COL5A2: variants seen among roughly 807,000 people sequenced by gnomAD.
The protein encoded by COL5A2 is collagen type V alpha 2 chain, also known as collagen alpha-2(V) chain.
Under a neutral mutation model 208.2 loss-of-function variants are expected in COL5A2, and 23 were observed. The ratio of observed to expected loss-of-function variants is 0.11; its 90% CI spans 0.08 to 0.16. The LOEUF (loss-of-function observed/expected upper bound fraction) is 0.16, where lower values mean the gene tolerates loss of function less well. COL5A2 is among the 10% of genes least tolerant of loss of function. The pLI is 1.00. For synonymous variants in COL5A2, 625 were observed against 628.5 expected, an observed-to-expected ratio of 0.99 and a Z score of 0.08; for missense variants, 1,590 against 1,956.4, an observed-to-expected ratio of 0.81 and a Z score of 3.53.
At chr2:189,419,212 C>A in the COL5A2 span, among the ~76,000 whole-genome samples, 1 of 152,058 alleles carries the variant, frequency 6.6e-6, no homozygotes, top group African/African-American at 2.4e-5. Flanking sequence ...CTCTCTAGTC[C>A]CTCATTTCTG....
the COL5A2 span, among the ~76,000 whole-genome samples, chr2:189,251,212 A>G: frequency 1.3e-5 from 2 of 152,202 alleles, no homozygotes; most frequent in African/African-American, 2.4e-5. Flanking sequence ...AATATCCTCT[A>G]ATAATCAATA....
chr2:189,137,524 T>C (rs569514833), intron 1 of COL5A2, among the ~76,000 whole-genome samples: 3 of 152,236 alleles, frequency 2.0e-5, no homozygotes, highest in Admixed American at 6.5e-5. Context: ...TCACACATTG[T>C]GTATTAAACA....
intron 1 of COL5A2, among the ~76,000 whole-genome samples, chr2:189,139,493 G>GA (rs1392231867): frequency 2.6e-5 from 4 of 152,058 alleles, no homozygotes; most frequent in African/African-American, 9.7e-5. Flanking sequence ...GGAATGTCTG[G>GA]AAACTGTCAT....
chr2:189,125,605 A>G (rs1436571478), intron 1 of COL5A2, among the ~76,000 whole-genome samples: 2 of 152,120 alleles, frequency 1.3e-5, no homozygotes, highest in South Asian at 2.1e-4. Flanking sequence ...TCATAAATAT[A>G]TTTTCCCTTC....
At chr2:189,206,679 C>T (rs1327542771) in intron 1 of COL5A2, among the ~76,000 whole-genome samples, 2 of 152,110 alleles carry the variant, frequency 1.3e-5, no homozygotes, top group Admixed American at 1.3e-4. Context: ...ATCTGCCCAA[C>T]CTATTCACAC....
the COL5A2 span, among the ~76,000 whole-genome samples, chr2:189,321,897 C>T: frequency 5.2e-4 from 79 of 152,328 alleles, 1 homozygote; most frequent in South Asian, 8.3e-4. Flanking sequence ...CCACATCGCA[C>T]CTATTCCAAA....
the COL5A2 span, among the ~76,000 whole-genome samples, chr2:189,294,090 G>GAAAAA: frequency 1.2e-4 from 6 of 48,214 alleles, no homozygotes; most frequent in Non-Finnish European, 2.3e-4. Flanking sequence ...TCCGTCTCAA[G>GAAAAA]AAAAAAAAAA....
chr2:189,412,717 C>G, the COL5A2 span, among the ~76,000 whole-genome samples: 1 of 152,194 alleles, frequency 6.6e-6, no homozygotes, highest in East Asian at 1.9e-4. Flanking sequence ...AATTGCCAAT[C>G]AATTGATAGT....
chr2:189,036,531 A>C, intron 52 of COL5A2, 85 bp downstream of exon 52: 3 of 1,155,274 alleles, frequency 2.6e-6, no homozygotes, highest in Non-Finnish European at 3.7e-6. Flanking sequence ...GGTTTAAAAA[A>C]ATAGCAAAGT....
chr2:189,259,873 T>C, the COL5A2 span, among the ~76,000 whole-genome samples: 1 of 152,126 alleles, frequency 6.6e-6, no homozygotes, highest in South Asian at 2.1e-4. Flanking sequence ...CTGATAGTTG[T>C]CTTCTGGGAA....
chr2:189,095,538 C>A (rs1686890384), intron 6 of COL5A2, among the ~76,000 whole-genome samples: 2 of 151,872 alleles, frequency 1.3e-5, no homozygotes, highest in Admixed American at 1.3e-4. Flanking sequence ...AACACGCACA[C>A]ACTTATACCC....
At chr2:189,390,515 G>A in the COL5A2 span, among the ~76,000 whole-genome samples, 2 of 152,156 alleles carry the variant, frequency 1.3e-5, no homozygotes, top group Admixed American at 6.5e-5. Flanking sequence ...ATGAAATATG[G>A]TTGCTGCTGC....
rs547331185 is a variant in COL5A2 at position 189,170,400 on chromosome 2, A to C, written c.97+9108T>G. ...CCCAGGAAACTTATTCTTGGTTAGC[A>C]CAAACACACTTGCAACATAAGGACC... is the stretch of plus-strand genomic sequence containing the variant. On this transcript the variant is annotated intron_variant, in intron 1 of 53. Transcript: ENST00000374866. 3.9e-5 allele frequency among the ~76,000 whole-genome samples: 6 copies of C among 152,314 alleles called. No individual in the cohort carries two copies. The South Asian group carries it at 1.2e-3, about 32-fold the overall frequency.
At chr2:189,373,280 C>G in the COL5A2 span, among the ~76,000 whole-genome samples, 1 of 152,102 alleles carries the variant, frequency 6.6e-6, no homozygotes, top group Non-Finnish European at 1.5e-5. Flanking sequence ...AGTTACTGCT[C>G]TATAACTATA....
the COL5A2 span, among the ~76,000 whole-genome samples, chr2:189,366,898 G>T: frequency 1.3e-5 from 2 of 152,128 alleles, no homozygotes; most frequent in Non-Finnish European, 2.9e-5. Context: ...GGCGAGAAAT[G>T]CTTGTCCACT....
intron 1 of COL5A2, among the ~76,000 whole-genome samples, chr2:189,195,261 T>C (rs901868165): frequency 1.3e-5 from 2 of 151,906 alleles, no homozygotes; most frequent in African/African-American, 4.8e-5. Flanking sequence ...TAACAAATAA[T>C]CAGAAGGGCT....
chr2:189,089,769 G>A (rs1017749910), intron 7 of COL5A2, among the ~76,000 whole-genome samples: 1 of 152,058 alleles, frequency 6.6e-6, no homozygotes, highest in African/African-American at 2.4e-5. Flanking sequence ...TCTGTGTTCA[G>A]TGATCTTGAT....
At chr2:189,138,864 A>G (rs1357888950) in intron 1 of COL5A2, among the ~76,000 whole-genome samples, 1 of 152,200 alleles carries the variant, frequency 6.6e-6, no homozygotes, top group African/African-American at 2.4e-5. Flanking sequence ...TGTAAAATAA[A>G]TATCTATGAG....
In COL5A2 at chr2:189,179,654, G is replaced by A. The variant is rs183260194; in HGVS notation, c.-50C>T. ...CTCCTGAGAGTGAAAAGTAGATTCT[G>A]AGGTTATTGTAGCACCATGAAGTCA... is the stretch of plus-strand genomic sequence containing the variant. On this transcript the variant is annotated 5_prime_UTR_variant, in exon 1 of 54. Coordinates refer to ENST00000374866, the MANE Select transcript of COL5A2 (RefSeq NM_000393.5). 4,946 of 1,562,326 alleles carry A rather than the reference G, an allele frequency of 3.2e-3. 17 individuals carry two copies. The highest frequency in any genetic ancestry group is 4.0e-3 in the Non-Finnish European group (4,656 of 1,152,150).
Sources: allele counts gnomAD v4.1 joint callset (sites outside exome capture counted in the v4.1 genomes callset), GRCh38; gene constraint gnomAD v4.1.1; transcripts MANE v1.5; gene names NCBI Gene and HGNC (gene_info 2026-07-23, HGNC 2026-07-21).